Variants in ZRANB3 observed in about 807,000 individuals in gnomAD.
ZRANB3 encodes the protein DNA annealing helicase and endonuclease ZRANB3.
In ZRANB3, 125 loss-of-function variants were observed where a neutral mutation model predicts 133.8. That is an observed-to-expected ratio of 0.93 (90% CI 0.81 to 1.08). The LOEUF (loss-of-function observed/expected upper bound fraction) is 1.08, where lower values mean the gene tolerates loss of function less well. Among genes scored for constraint, ZRANB3 ranks in the 50% least tolerant of loss-of-function variants. The pLI is 0.00. For synonymous variants in ZRANB3, 387 were observed against 432.7 expected (o/e 0.89, Z 1.31); for missense variants, 1,229 against 1,275.5 (o/e 0.96, Z 0.56).
intron 6 of ZRANB3, among the ~76,000 whole-genome samples, chr2:135,318,212 TTGTG>T (rs58455313): frequency 0.078 from 10,635 of 136,846 alleles, 371 homozygotes; most frequent in Middle Eastern, 0.12. Context: ...ACACACTATT[TTGTG>T]TGTGTGTGTG....
chr2:135,306,103 T>A (rs1573876394), intron 8 of ZRANB3, among the ~76,000 whole-genome samples: 1 of 152,336 alleles, frequency 6.6e-6, no homozygotes, highest in East Asian at 1.9e-4. Flanking sequence ...GCTTCCTGTA[T>A]CTGGATGTCT....
intron 3 of ZRANB3, chr2:135,355,360 CTTTTTT>C: frequency 2.7e-6 from 1 of 372,832 alleles, no homozygotes; most frequent in Non-Finnish European, 3.6e-6. Context: ...AATCACAGAT[CTTTTTT>C]TTTTTTTTTT....
At chr2:135,429,769 G>T (rs1689239652) in intron 2 of ZRANB3, among the ~76,000 whole-genome samples, 1 of 152,098 alleles carries the variant, frequency 6.6e-6, no homozygotes, top group South Asian at 2.1e-4. Context: ...GAGCGTAGGA[G>T]GCAGCCATTT....
chr2:135,206,759 G>A (rs1693876059), intron 19 of ZRANB3, among the ~76,000 whole-genome samples: 1 of 151,460 alleles, frequency 6.6e-6, no homozygotes, highest in African/African-American at 2.4e-5. Flanking sequence ...GGGGGAACAG[G>A]GGAGGGAGAG....
intron 2 of ZRANB3, among the ~76,000 whole-genome samples, chr2:135,447,661 G>A (rs953493285): frequency 4.6e-5 from 7 of 152,166 alleles, no homozygotes; most frequent in African/African-American, 1.4e-4. Context: ...TGTTGGATAT[G>A]TAGAAAAATC....
intron 2 of ZRANB3, among the ~76,000 whole-genome samples, chr2:135,403,188 G>A (rs1687823073): frequency 6.6e-6 from 1 of 152,202 alleles, no homozygotes; most frequent in South Asian, 2.1e-4. Flanking sequence ...AGGAGTCAGG[G>A]AATTCCCTTT....
intron 2 of ZRANB3, among the ~76,000 whole-genome samples, chr2:135,445,420 G>C (rs1689974710): frequency 6.6e-6 from 1 of 152,034 alleles, no homozygotes; most frequent in Non-Finnish European, 1.5e-5. Flanking sequence ...TCCAGCCTGG[G>C]TGACACAGTG....
At chr2:135,504,952 A>G (rs1020665005) in intron 1 of ZRANB3, among the ~76,000 whole-genome samples, 5 of 152,088 alleles carry the variant, frequency 3.3e-5, no homozygotes, top group African/African-American at 1.2e-4. Context: ...AAAAAATTAT[A>G]AAATACAAAG....
chr2:135,441,610 T>A (rs16831654), intron 2 of ZRANB3, among the ~76,000 whole-genome samples: 8,602 of 152,062 alleles, frequency 0.057, 474 homozygotes, highest in African/African-American at 0.14. Flanking sequence ...TATAACACTA[T>A]ATTCTTACAT....
intron 4 of ZRANB3, among the ~76,000 whole-genome samples, chr2:135,351,564 A>G (rs1685211177): frequency 6.6e-6 from 1 of 152,282 alleles, no homozygotes; most frequent in South Asian, 2.1e-4. Context: ...TTCTCACTGT[A>G]TTCAAACACC....
At chr2:135,253,916 T>G (rs1242010515) in intron 12 of ZRANB3, among the ~76,000 whole-genome samples, 1 of 152,248 alleles carries the variant, frequency 6.6e-6, no homozygotes, top group Non-Finnish European at 1.5e-5. Flanking sequence ...GACTATCTTT[T>G]GAAGACAGAT....
intron 2 of ZRANB3, among the ~76,000 whole-genome samples, chr2:135,463,085 T>A (rs1010122851): frequency 2.0e-5 from 3 of 152,144 alleles, no homozygotes; most frequent in African/African-American, 4.8e-5. Flanking sequence ...CCCAGCTACT[T>A]AGGAGGCTGA....
chr2:135,449,151 A>C (rs1690154714), intron 2 of ZRANB3, among the ~76,000 whole-genome samples: 1 of 152,224 alleles, frequency 6.6e-6, no homozygotes, highest in South Asian at 2.1e-4. Context: ...AGATCAAATG[A>C]GGGTGTCCAT....
chr2:135,216,802 C>T (rs1694330486), intron 17 of ZRANB3, among the ~76,000 whole-genome samples: 1 of 152,072 alleles, frequency 6.6e-6, no homozygotes, highest in Non-Finnish European at 1.5e-5. Flanking sequence ...CCTGATAATC[C>T]TTGCTTCATG....
intron 6 of ZRANB3, among the ~76,000 whole-genome samples, chr2:135,343,642 T>C (rs1192469875): frequency 1.3e-5 from 2 of 149,670 alleles, no homozygotes; most frequent in Admixed American, 1.3e-4. Context: ...ATATCACATA[T>C]AAAGAGATTA....
chr2:135,390,233 G>A (rs979876624), intron 3 of ZRANB3, among the ~76,000 whole-genome samples: 3 of 152,010 alleles, frequency 2.0e-5, no homozygotes, highest in Admixed American at 6.6e-5. Context: ...TTTCTCAAAC[G>A]GTTGTTAAAA....
At chr2:135,424,808 C>A (rs1689002498) in intron 2 of ZRANB3, among the ~76,000 whole-genome samples, 1 of 152,116 alleles carries the variant, frequency 6.6e-6, no homozygotes, top group African/African-American at 2.4e-5. Context: ...CGAACCAGTG[C>A]CCAGCACAAA....
chr2:135,348,970 A>G (rs1207994978), intron 5 of ZRANB3, among the ~76,000 whole-genome samples: 1 of 152,090 alleles, frequency 6.6e-6, no homozygotes, highest in African/African-American at 2.4e-5. Flanking sequence ...CATCACCCCT[A>G]TTATTCATTG....
Position 135,381,023 on chromosome 2 carries a change from G to A in ZRANB3, c.180+9779C>T, listed in dbSNP as rs375784596. ...GTGGGTGCAGGACAGAGGATGCAGT[G>A]CATTGAGCGTGAGCCTAAGCAGGGT... On this transcript the variant is annotated intron_variant, in intron 3 of 20. Coordinates refer to ENST00000264159, the MANE Select transcript of ZRANB3 (RefSeq NM_032143.4). Among the ~76,000 whole-genome samples, 6 of 152,130 alleles carry A rather than the reference G, an allele frequency of 3.9e-5. No individual in the cohort carries two copies. In the East Asian group the frequency reaches 9.6e-4, roughly 24 times the overall value.
Sources: gnomAD v4.1 joint callset for allele counts (sites outside exome capture counted in the v4.1 genomes callset) on GRCh38, gnomAD v4.1.1 for gene constraint, MANE v1.5 for transcripts, NCBI Gene and HGNC (gene_info 2026-07-23, HGNC 2026-07-21) for gene names.